CLNK: variants seen among roughly 807,000 people sequenced by gnomAD.
The protein encoded by CLNK is cytokine dependent hematopoietic cell linker.
CLNK carries 74 observed loss-of-function variants against 68.6 expected under a neutral mutation model. That is an observed-to-expected ratio of 1.08 (90% confidence interval 0.89 to 1.31). The LOEUF is 1.31. Ranked by LOEUF, CLNK falls within the 50% of genes most tolerant of loss-of-function variation. The pLI is 0.00. For synonymous variants in CLNK, 198 were observed against 172.2 expected, an observed-to-expected ratio of 1.15 and a Z score of -1.17; for missense variants, 553 against 515.3, an observed-to-expected ratio of 1.07 and a Z score of -0.71.
chr4:10,516,161 G>A (rs113063278), intron 15 of CLNK, among the ~76,000 whole-genome samples: 1 of 151,982 alleles, frequency 6.6e-6, no homozygotes, highest in African/African-American at 2.4e-5. Context: ...TTTAAGCAAG[G>A]AGTAACTATT....
At chr4:10,659,048 C>CA (rs1724091244) in intron 2 of CLNK, among the ~76,000 whole-genome samples, 1 of 152,022 alleles carries the variant, frequency 6.6e-6, no homozygotes, top group Admixed American at 6.6e-5. Flanking sequence ...ACAGAAAATA[C>CA]AAAAAATGAG....
At chr4:10,702,718 C>G in the CLNK span, among the ~76,000 whole-genome samples, 2 of 152,170 alleles carry the variant, frequency 1.3e-5, no homozygotes, top group Non-Finnish European at 2.9e-5. Context: ...TGTCTCTAGT[C>G]AGGCTTACTC....
intron 2 of CLNK, among the ~76,000 whole-genome samples, chr4:10,646,372 G>C (rs984662415): frequency 5.9e-5 from 9 of 152,168 alleles, no homozygotes; most frequent in African/African-American, 1.9e-4. Context: ...TTTAAATCCA[G>C]AGAGCTTTGG....
At chr4:10,491,110 A>G (rs761446378) in intron 18 of CLNK, among the ~76,000 whole-genome samples, 3 of 152,240 alleles carry the variant, frequency 2.0e-5, no homozygotes, top group Non-Finnish European at 2.9e-5. Flanking sequence ...AGGATGAGTG[A>G]TAAGAATGAT....
At chr4:10,610,279 C>T (rs1227636809) in intron 2 of CLNK, among the ~76,000 whole-genome samples, 1 of 149,900 alleles carries the variant, frequency 6.7e-6, no homozygotes, top group South Asian at 2.1e-4. Context: ...CTCCTGACCT[C>T]GTGATCCGCC....
At chr4:10,503,844 A>G (rs998349476) in intron 17 of CLNK, among the ~76,000 whole-genome samples, 5 of 138,998 alleles carry the variant, frequency 3.6e-5, no homozygotes, top group South Asian at 2.2e-4. Context: ...ATGCAGTGGC[A>G]CAATCTCAGC....
chr4:10,708,341 A>G, the CLNK span, among the ~76,000 whole-genome samples: 1 of 152,220 alleles, frequency 6.6e-6, no homozygotes, highest in Non-Finnish European at 1.5e-5. Context: ...TGCTTTATGC[A>G]TATTAACTTG....
Position 10,565,905 on chromosome 4 carries a change from G to A in CLNK, c.292+104C>T, listed in dbSNP as rs116373182. The A allele has an allele frequency of 5.2e-4, 666 of 1,272,926 alleles. 1 individual carries two copies. The African/African-American group carries it at 9.2e-3, about 18-fold the overall frequency. The allele number at this position is 1,272,926 out of a possible 1,614,324, so 78.9% of individuals were successfully genotyped here. ...CAGCTAGTAAGTCATGGGGGCAGAC[G>A]TTAACCTAGGGTTGTTTAATTCAGA... On this transcript the variant is annotated intron_variant, in intron 6 of 18. Coordinates refer to ENST00000226951, the MANE Select transcript of CLNK (RefSeq NM_052964.4).
chr4:10,615,387 G>C (rs1045598898), intron 2 of CLNK, among the ~76,000 whole-genome samples: 2 of 152,084 alleles, frequency 1.3e-5, no homozygotes, highest in African/African-American at 4.8e-5. Flanking sequence ...ATTGGAAGGA[G>C]GAAGGAGAAT....
intron 11 of CLNK, among the ~76,000 whole-genome samples, chr4:10,537,623 TTCTTTCTTTCTTTC>T (rs1387103985): frequency 1.2e-4 from 16 of 136,532 alleles, no homozygotes; most frequent in Admixed American, 5.3e-4. Context: ...CTCTCTCTCT[TTCTTTCTTTCTTTC>T]TCTTTCTTTC....
At chr4:10,615,121 G>T (rs1465714805) in intron 2 of CLNK, among the ~76,000 whole-genome samples, 1 of 152,138 alleles carries the variant, frequency 6.6e-6, no homozygotes. Context: ...AGAAGGTGGA[G>T]GTCGGCAGTG....
At chr4:10,623,210 C>A (rs1000974822) in intron 2 of CLNK, among the ~76,000 whole-genome samples, 1 of 152,174 alleles carries the variant, frequency 6.6e-6, no homozygotes, top group African/African-American at 2.4e-5. Context: ...TTCATGAACT[C>A]CTGACTTAAC....
At chr4:10,555,346 T>C (rs556331913) in intron 8 of CLNK, among the ~76,000 whole-genome samples, 9 of 152,346 alleles carry the variant, frequency 5.9e-5, no homozygotes, top group East Asian at 1.9e-4. Context: ...GCAATTTAGC[T>C]TCCTTTATTC....
In CLNK at chr4:10,537,637, C is replaced by CTCTT. The variant is rs57141867; in HGVS notation, c.602+2853_602+2856dup. Among the ~76,000 whole-genome samples, 214 of 76,210 alleles carry CTCTT rather than the reference C, an allele frequency of 2.8e-3. 1 individual carries two copies. The highest frequency in any genetic ancestry group is 0.011 in the African/African-American group (207 of 18,700). 50.0% of individuals were successfully genotyped at this position (76,210 alleles called of 152,430 possible). On this transcript the variant is annotated intron_variant, in intron 11 of 18. Coordinates refer to ENST00000226951, the MANE Select transcript of CLNK (RefSeq NM_052964.4). ...TCTCTCTCTCTTTCTTTCTTTCTTT[C>CTCTT]TCTTTCTTTCTTTCTTTCTTTCTTT...
At chr4:10,534,178 G>A (rs1319682158) in intron 11 of CLNK, among the ~76,000 whole-genome samples, 7 of 152,134 alleles carry the variant, frequency 4.6e-5, no homozygotes, top group Non-Finnish European at 1.0e-4. Flanking sequence ...GGAAATCTGA[G>A]GCTTCAGGAA....
chr4:10,728,056 A>AATG, the CLNK span, among the ~76,000 whole-genome samples: 4 of 152,192 alleles, frequency 2.6e-5, no homozygotes, highest in Admixed American at 2.6e-4. Context: ...GGTATCGTAC[A>AATG]ATGTCTGGAG....
At chr4:10,724,310 C>A in the CLNK span, among the ~76,000 whole-genome samples, 1 of 152,094 alleles carries the variant, frequency 6.6e-6, no homozygotes, top group African/African-American at 2.4e-5. Context: ...TTGTTGCTCA[C>A]ATGTCCCGCT....
intron 14 of CLNK, among the ~76,000 whole-genome samples, chr4:10,524,531 T>C (rs1010451003): frequency 2.0e-5 from 3 of 152,160 alleles, no homozygotes; most frequent in African/African-American, 4.8e-5. Context: ...TAAATAATTA[T>C]TGAATCAATT....
chr4:10,706,733 T>C, the CLNK span, among the ~76,000 whole-genome samples: 25 of 152,270 alleles, frequency 1.6e-4, 1 homozygote, highest in Admixed American at 1.1e-3. Flanking sequence ...AAGTGAAGCG[T>C]GGGCCACTCA....
Sources: gnomAD v4.1 joint callset for allele counts (sites outside exome capture counted in the v4.1 genomes callset) on GRCh38, gnomAD v4.1.1 for gene constraint, MANE v1.5 for transcripts, NCBI Gene and HGNC (gene_info 2026-07-23, HGNC 2026-07-21) for gene names.